RBM27: variants seen among roughly 807,000 people sequenced by gnomAD.
RBM27 encodes RNA binding motif protein 27.
A neutral mutation model predicts 135.3 loss-of-function variants in RBM27; 22 were observed. The observed-to-expected ratio is 0.16, with a 90% CI of 0.12 to 0.23. The LOEUF (loss-of-function observed/expected upper bound fraction) is 0.23. Among genes scored for constraint, RBM27 ranks in the 10% least tolerant of loss-of-function variants. The pLI, the probability that RBM27 is intolerant of heterozygous loss-of-function variation, is 1.00. For synonymous variants in RBM27, 481 were observed against 442.4 expected (o/e 1.09, Z -1.10); for missense variants, 1,009 against 1,281.0 (o/e 0.79, Z 3.24).
chr5:146,249,683 C>CA (rs1209651197), intron 8 of RBM27, among the ~76,000 whole-genome samples: 6,094 of 36,060 alleles, frequency 0.17, 295 homozygotes, highest in Non-Finnish European at 0.2. Flanking sequence ...GTGAGACTCT[C>CA]AAAAAAAAAA....
chr5:146,246,539 T>A (rs945639948), intron 8 of RBM27, among the ~76,000 whole-genome samples: 1 of 152,078 alleles, frequency 6.6e-6, no homozygotes, highest in East Asian at 1.9e-4. Flanking sequence ...TAGCTGGGCG[T>A]GTGGGCATGT....
At chr5:146,236,023 G>A (rs1757143891) in intron 7 of RBM27, among the ~76,000 whole-genome samples, 1 of 152,142 alleles carries the variant, frequency 6.6e-6, no homozygotes. Flanking sequence ...CACATAAACA[G>A]TATAATTGTG....
chr5:146,244,356 T>TA (rs563171491), intron 8 of RBM27, among the ~76,000 whole-genome samples: 71 of 151,510 alleles, frequency 4.7e-4, no homozygotes, highest in Non-Finnish European at 8.8e-4. Context: ...GACCCTGTCT[T>TA]AAAAAAAAAT....
chr5:146,284,922 TTTC>T (rs1759521903), intron 20 of RBM27, among the ~76,000 whole-genome samples, 190 bp downstream of exon 20: 1 of 152,182 alleles, frequency 6.6e-6, no homozygotes, highest in Non-Finnish European at 1.5e-5. Flanking sequence ...TAGGGGTTAT[TTTC>T]TTCTGATATA....
intron 18 of RBM27, 44 bp downstream of exon 18, chr5:146,271,102 CA>C (rs143663420): frequency 6.7e-7 from 1 of 1,503,364 alleles, no homozygotes; most frequent in African/African-American, 1.4e-5. Context: ...TTTAACGTCT[CA>C]AAAAAGTTTT....
rs367912023 is a variant in RBM27 at position 146,233,725 on chromosome 5, G to A, written c.1126G>A (p.Val376Ile). 1.7e-5 allele frequency: 24 copies of A among 1,442,158 alleles called. No individual in the cohort carries two copies. Among genetic ancestry groups the A allele is most frequent in the Admixed American group, 1.6e-4 (6 of 37,304 alleles). The allele number at this position is 1,442,158 out of a possible 1,614,324, so 89.3% of individuals were successfully genotyped here. ...PQGHGQPPPS[V>I]VLPIPRPPIT... Reference sequence around the variant, plus strand: ...AGGACATGGTCAGCCTCCACCATCCGTTGTGCTTCCCATACCAAGTAAGTA... The same window carrying A: ...AGGACATGGTCAGCCTCCACCATCCATTGTGCTTCCCATACCAAGTAAGTA... The change falls in exon 7 of 21, where the codon GTT becomes ATT. Residue 376 changes from valine to isoleucine, a missense_variant. This residue lies in a region of RBM27 where 329 missense variants were observed against 368.1 expected (regional missense o/e 0.89). Coordinates refer to ENST00000265271, the MANE Select transcript of RBM27 (RefSeq NM_018989.2).
At chr5:146,246,661 C>T (rs1757636530) in intron 8 of RBM27, among the ~76,000 whole-genome samples, 1 of 151,950 alleles carries the variant, frequency 6.6e-6, no homozygotes, top group Non-Finnish European at 1.5e-5. Context: ...TGTACTTTAG[C>T]CTGGATAACA....
intron 8 of RBM27, among the ~76,000 whole-genome samples, chr5:146,250,965 C>T (rs1430260406): frequency 2.0e-5 from 3 of 151,608 alleles, no homozygotes; most frequent in Non-Finnish European, 2.9e-5. Flanking sequence ...TTAGTAGAGA[C>T]GGGGTTTCAT....
At chr5:146,261,886 C>A in intron 13 of RBM27, 80 bp downstream of exon 13, 1 of 1,424,254 alleles carries the variant, frequency 7.0e-7, no homozygotes, top group South Asian at 1.3e-5. Flanking sequence ...GTCCTTGGGT[C>A]TTCTACAGAA....
At chr5:146,251,118 G>A (rs1228019781) in intron 8 of RBM27, among the ~76,000 whole-genome samples, 1 of 152,082 alleles carries the variant, frequency 6.6e-6, no homozygotes, top group East Asian at 1.9e-4. Context: ...TGTTATCCAT[G>A]TGCTCACAGA....
chr5:146,222,539 C>G (rs761021132), intron 2 of RBM27, among the ~76,000 whole-genome samples: 7 of 152,146 alleles, frequency 4.6e-5, no homozygotes, highest in African/African-American at 1.7e-4. Flanking sequence ...CAAAAATTAG[C>G]TGGGCGTGGT....
chr5:146,218,708 C>G (rs1756317905), intron 1 of RBM27, among the ~76,000 whole-genome samples: 1 of 152,152 alleles, frequency 6.6e-6, no homozygotes, highest in African/African-American at 2.4e-5. Flanking sequence ...TGCCTGTTAT[C>G]ATTGAGAGAA....
intron 15 of RBM27, among the ~76,000 whole-genome samples, chr5:146,268,245 CTT>C (rs35589922): frequency 5.6e-5 from 8 of 142,212 alleles, no homozygotes; most frequent in Non-Finnish European, 4.6e-5. Context: ...TTTCTTATTT[CTT>C]TTTTTTTTTT....
At chr5:146,230,099 A>T (rs1756866359) in intron 5 of RBM27, among the ~76,000 whole-genome samples, 189 bp downstream of exon 5, 1 of 152,198 alleles carries the variant, frequency 6.6e-6, no homozygotes, top group Non-Finnish European at 1.5e-5. Context: ...GAGTCAAGGG[A>T]GTTTGATTAA....
At chr5:146,236,615 C>T (rs1355555982) in intron 7 of RBM27, among the ~76,000 whole-genome samples, 1 of 152,066 alleles carries the variant, frequency 6.6e-6, no homozygotes, top group African/African-American at 2.4e-5. Flanking sequence ...CAAGTTAGTA[C>T]TAGTATGGTA....
At chr5:146,219,344 T>G (rs1756342773) in intron 2 of RBM27, among the ~76,000 whole-genome samples, 1 of 152,172 alleles carries the variant, frequency 6.6e-6, no homozygotes, top group Admixed American at 6.5e-5. Context: ...TTTAGATGAT[T>G]AGGTCTTTTG....
At chr5:146,219,462 C>A (rs562746837) in intron 2 of RBM27, among the ~76,000 whole-genome samples, 1 of 152,152 alleles carries the variant, frequency 6.6e-6, no homozygotes, top group African/African-American at 2.4e-5. Flanking sequence ...GTTTTTTTCC[C>A]CCCTTGGATG....
intron 2 of RBM27, among the ~76,000 whole-genome samples, chr5:146,222,557 G>A (rs1347278762): frequency 6.6e-6 from 1 of 152,168 alleles, no homozygotes; most frequent in Non-Finnish European, 1.5e-5. Flanking sequence ...GGTGGCACAT[G>A]CCTGTAATCC....
intron 14 of RBM27, among the ~76,000 whole-genome samples, chr5:146,264,383 A>G (rs1322500720): frequency 1.3e-5 from 2 of 151,886 alleles, no homozygotes; most frequent in African/African-American, 2.4e-5. Flanking sequence ...GGGTTTCTCC[A>G]TGTTGGTCAG....
Sources: allele counts gnomAD v4.1 joint callset (sites outside exome capture counted in the v4.1 genomes callset), GRCh38; gene constraint gnomAD v4.1.1; regional missense constraint gnomAD v4.1.1; transcripts MANE v1.5; gene names NCBI Gene and HGNC (gene_info 2026-07-23, HGNC 2026-07-21).